Variants in NCK2 observed in about 807,000 individuals in gnomAD.
The protein encoded by NCK2 is NCK adaptor protein 2, also known as cytoplasmic protein NCK2.
Under a neutral mutation model 33.9 loss-of-function variants are expected in NCK2, and 16 were observed. The ratio of observed to expected loss-of-function variants is 0.47; its 90% CI spans 0.32 to 0.72. The LOEUF is 0.72. Among genes scored for constraint, NCK2 ranks in the 30% least tolerant of loss-of-function variants. The probability of loss-of-function intolerance (pLI) is 0.03; values close to 1 mark genes in which losing one functional copy is unlikely to be tolerated. For missense variants in NCK2, 418 were observed against 537.3 expected (o/e 0.78, Z 2.19); for synonymous variants, 273 against 239.9 (o/e 1.14, Z -1.27).
rs532554432 is a variant in NCK2, at chr2:105,794,835, C to A, written c.-200-21595C>A. Among the ~76,000 whole-genome samples, 15 of 152,148 alleles carry A rather than the reference C, an allele frequency of 9.9e-5. No homozygotes were observed. In the East Asian group the frequency reaches 2.9e-3, roughly 29 times the overall value. On this transcript the variant is annotated intron_variant, in intron 1 of 4. Coordinates refer to ENST00000233154, the MANE Select transcript of NCK2 (RefSeq NM_003581.5). ...AAGCGATTCTCCTGCCTCAGCCTCC[C>A]GAATAGTTTATTATCTAAACTGTTC...
At chr2:105,858,409 C>A (rs1677377345) in intron 3 of NCK2, among the ~76,000 whole-genome samples, 1 of 152,136 alleles carries the variant, frequency 6.6e-6, no homozygotes, top group African/African-American at 2.4e-5. Flanking sequence ...CACTACCACA[C>A]CCAGCTATTT....
At chr2:105,812,401 CT>C (rs1675321531) in intron 1 of NCK2, among the ~76,000 whole-genome samples, 1 of 152,216 alleles carries the variant, frequency 6.6e-6, no homozygotes, top group Non-Finnish European at 1.5e-5. Context: ...TGAAACCAGC[CT>C]TTTCCCACTT....
At chr2:105,767,625 A>C (rs866623614) in intron 1 of NCK2, among the ~76,000 whole-genome samples, 5 of 152,192 alleles carry the variant, frequency 3.3e-5, no homozygotes, top group South Asian at 2.1e-4. Flanking sequence ...AGGAATTGTG[A>C]CTATGTGGCC....
intron 4 of NCK2, among the ~76,000 whole-genome samples, chr2:105,892,699 A>T (rs138997516): frequency 6.6e-6 from 1 of 152,206 alleles, no homozygotes; most frequent in Non-Finnish European, 1.5e-5. Flanking sequence ...TACAAATATT[A>T]GCCGGGCATG....
rs561967202 is a variant in NCK2, at chr2:105,836,005, A to G, written c.-16-19043A>G. Among the ~76,000 whole-genome samples, 212 of 149,908 alleles carry G rather than the reference A, an allele frequency of 1.4e-3. 1 individual carries two copies. Among genetic ancestry groups the G allele is most frequent in the Non-Finnish European group, 1.5e-3 (99 of 67,790 alleles). ...ATATCTCTGTTGAATTTCTCCATGA[A>G]TTCTCATGAATTGTTTTTCTGATTT... On this transcript the variant is annotated intron_variant, in intron 2 of 4. Coordinates refer to ENST00000233154, the MANE Select transcript of NCK2 (RefSeq NM_003581.5).
chr2:105,748,296 C>T (rs1689354894), intron 1 of NCK2, among the ~76,000 whole-genome samples: 1 of 152,196 alleles, frequency 6.6e-6, no homozygotes, highest in African/African-American at 2.4e-5. Flanking sequence ...TTATCAACTC[C>T]AAACTAGAGG....
intron 1 of NCK2, among the ~76,000 whole-genome samples, chr2:105,801,551 GA>G (rs1674841348): frequency 6.6e-6 from 1 of 152,142 alleles, no homozygotes; most frequent in East Asian, 1.9e-4. Context: ...CGAGTGAGGA[GA>G]GGGGCCCATG....
At position 105,864,792 on chromosome 2, in the gene NCK2, G is replaced by A. The variant is rs181860096; in HGVS notation, c.226+9503G>A. ...CATGAGTTTGGCCCTCCGAACCCAC[G>A]GGAAAGATCTGTAACCTCTAGCTCA... On this transcript the variant is annotated intron_variant, in intron 3 of 4. Coordinates refer to ENST00000233154, the MANE Select transcript of NCK2 (RefSeq NM_003581.5). Among the ~76,000 whole-genome samples, 264 of 150,154 alleles carry A rather than the reference G, an allele frequency of 1.8e-3. 1 individual carries two copies. The highest frequency in any genetic ancestry group is 6.0e-3 in the African/African-American group (244 of 40,516).
intron 4 of NCK2, among the ~76,000 whole-genome samples, chr2:105,884,181 G>A (rs973887405): frequency 5.3e-5 from 8 of 152,182 alleles, no homozygotes; most frequent in Non-Finnish European, 1.2e-4. Context: ...GCTGTCATCT[G>A]TGACTACCAG....
chr2:105,882,856 A>AT (rs2104666205), intron 4 of NCK2, among the ~76,000 whole-genome samples: 1 of 152,306 alleles, frequency 6.6e-6, no homozygotes, highest in Non-Finnish European at 1.5e-5. Context: ...ATAGAGTTTA[A>AT]TGTATTTGAA....
intron 3 of NCK2, among the ~76,000 whole-genome samples, chr2:105,861,735 G>T (rs368197614): frequency 2.6e-5 from 4 of 151,840 alleles, no homozygotes; most frequent in Admixed American, 1.3e-4. Context: ...GGCTGGTCTC[G>T]AACTCCTGAC....
At chr2:105,821,420 C>T (rs185056899) in intron 2 of NCK2, among the ~76,000 whole-genome samples, 2 of 152,230 alleles carry the variant, frequency 1.3e-5, no homozygotes, top group East Asian at 1.9e-4. Context: ...CTCCTTCTGC[C>T]GCACTCTGGA....
In NCK2 at chr2:105,786,454, C is replaced by G. The variant is rs530659837; in HGVS notation, c.-200-29976C>G. Among the ~76,000 whole-genome samples the G allele has an allele frequency of 7.2e-5, 11 of 152,322 alleles. No homozygotes were observed. In the South Asian group the frequency reaches 1.7e-3, roughly 23 times the overall value. On this transcript the variant is annotated intron_variant, in intron 1 of 4. Transcript: ENST00000233154. ...CTGCCTTTGGAGACCTGGCTGCCAG[C>G]CTTGGAGGTGGCCCTGGCCGCTGCT...
intron 1 of NCK2, among the ~76,000 whole-genome samples, chr2:105,810,082 C>T (rs1675231801): frequency 6.6e-6 from 1 of 152,180 alleles, no homozygotes; most frequent in African/African-American, 2.4e-5. Flanking sequence ...CCCCACTCTT[C>T]ATTCCTGGGC....
At chr2:105,778,493 G>T (rs967402614) in intron 1 of NCK2, among the ~76,000 whole-genome samples, 1 of 152,216 alleles carries the variant, frequency 6.6e-6, no homozygotes, top group Non-Finnish European at 1.5e-5. Context: ...AGGGAAGGGC[G>T]GTGATGGCAG....
chr2:105,790,554 GC>G (rs371324351), intron 1 of NCK2, among the ~76,000 whole-genome samples: 59 of 152,320 alleles, frequency 3.9e-4, no homozygotes, highest in African/African-American at 1.3e-3. Context: ...GGTTTCCTAG[GC>G]CCTTTGAGAA....
chr2:105,779,692 A>AT (rs558126530), intron 1 of NCK2, among the ~76,000 whole-genome samples: 354 of 148,384 alleles, frequency 2.4e-3, no homozygotes, highest in Middle Eastern at 7.0e-3. Context: ...AAGAGCTTTG[A>AT]TTTTTTTTTT....
intron 1 of NCK2, among the ~76,000 whole-genome samples, chr2:105,757,804 T>C (rs1458155099): frequency 3.3e-5 from 5 of 152,184 alleles, no homozygotes; most frequent in Non-Finnish European, 5.9e-5. Context: ...CCAGGCAGAA[T>C]TCATTTGAAG....
At chr2:105,785,168 C>T (rs1457348026) in intron 1 of NCK2, among the ~76,000 whole-genome samples, 6 of 152,066 alleles carry the variant, frequency 3.9e-5, no homozygotes, top group South Asian at 4.2e-4. Flanking sequence ...TTAGTAGAGA[C>T]AGGATTTCAC....
Sources: gnomAD v4.1 joint callset for allele counts (sites outside exome capture counted in the v4.1 genomes callset) on GRCh38, gnomAD v4.1.1 for gene constraint, MANE v1.5 for transcripts, NCBI Gene and HGNC (gene_info 2026-07-23, HGNC 2026-07-21) for gene names.